Variants in CSF1R observed in about 807,000 individuals in gnomAD.
The protein encoded by CSF1R is macrophage colony-stimulating factor 1 receptor.
Under a neutral mutation model 110.0 loss-of-function variants are expected in CSF1R, and 40 were observed. That is an observed-to-expected ratio of 0.36 (90% CI 0.28 to 0.47). The LOEUF (loss-of-function observed/expected upper bound fraction) is 0.47, where lower values mean the gene tolerates loss of function less well. Ranked by LOEUF, CSF1R falls within the 20% of genes least tolerant of loss-of-function variation. The pLI, the probability that CSF1R is intolerant of heterozygous loss-of-function variation, is 0.99. For missense variants in CSF1R, 1,052 were observed against 1,253.0 expected, an observed-to-expected ratio of 0.84 and a Z score of 2.42; for synonymous variants, 523 against 503.4, an observed-to-expected ratio of 1.04 and a Z score of -0.52.
At position 150,053,982 on chromosome 5, in the gene CSF1R, A is replaced by C; in HGVS notation, c.*87T>G. Reference sequence around the variant, plus strand: ...TGTTGAGTGAAATGACCGAAGGCAGAGTTTGTATGTTCTCCCCGTGTCGCC... The same window carrying C: ...TGTTGAGTGAAATGACCGAAGGCAGCGTTTGTATGTTCTCCCCGTGTCGCC... On this transcript the variant is annotated 3_prime_UTR_variant, in exon 21 of 21. Transcript: ENST00000675795. The C allele has an allele frequency of 7.5e-7, 1 of 1,342,032 alleles. No individual in the cohort carries two copies. The highest frequency in any genetic ancestry group is 1.0e-6 in the Non-Finnish European group (1 of 956,990). The allele number at this position is 1,342,032 out of a possible 1,614,324, so 83.1% of individuals were successfully genotyped here. A position where few individuals can be genotyped will look rare whatever the true frequency, so the allele number is the denominator to read the frequency against.
Position 150,060,991 on chromosome 5 carries a change from G to C in CSF1R, c.1859-19C>G, listed in dbSNP as rs772214750. 9.0e-6 allele frequency: 14 copies of C among 1,553,884 alleles called. No individual in the cohort carries two copies. The highest frequency in any genetic ancestry group is 1.8e-5 in the Admixed American group (1 of 54,446). On this transcript the variant is annotated intron_variant, in intron 12 of 20. Transcript: ENST00000675795. ...GCCGTGGCTGGGAGGAAGAACCACA[G>C]TCCCAAAGACAGGGAGAGGGCAGGA... is the stretch of plus-strand genomic sequence containing the variant.
chr5:150,058,501 T>G (rs1757354169), intron 14 of CSF1R, among the ~76,000 whole-genome samples: 3 of 152,230 alleles, frequency 2.0e-5, no homozygotes, highest in Admixed American at 6.5e-5. Context: ...TGGAATCCTT[T>G]GACAGAGTTG....
intron 1 of CSF1R, among the ~76,000 whole-genome samples, chr5:150,112,055 G>A (rs1759735506): frequency 6.6e-6 from 1 of 152,130 alleles, no homozygotes; most frequent in Non-Finnish European, 1.5e-5. Flanking sequence ...ATCAAATCTT[G>A]TAGCTCTACG....
Position 150,053,988 on chromosome 5 carries a change from T to G in CSF1R, c.*81A>C. The stretch of plus-strand genomic sequence containing the variant: ...GTGAAATGACCGAAGGCAGAGTTTG[T>G]ATGTTCTCCCCGTGTCGCCCCATCC... On this transcript the variant is annotated 3_prime_UTR_variant, in exon 21 of 21. Transcript: ENST00000675795. 6 of 1,396,768 alleles carry G rather than the reference T, an allele frequency of 4.3e-6. No individual in the cohort carries two copies. Among genetic ancestry groups the G allele is most frequent in the Non-Finnish European group, 6.0e-6 (6 of 1,003,474 alleles). The allele number at this position is 1,396,768 out of a possible 1,614,324, so 86.5% of individuals were successfully genotyped here. A position where few individuals can be genotyped will look rare whatever the true frequency, so the allele number is the denominator to read the frequency against.
At chr5:150,094,206 T>C (rs939462825) in intron 1 of CSF1R, 4 of 713,972 alleles carry the variant, frequency 5.6e-6, no homozygotes, top group South Asian at 1.9e-5. Context: ...GGACATTACA[T>C]AGTGAAGACA....
chr5:150,072,575 G>C (rs1758074283), intron 6 of CSF1R, among the ~76,000 whole-genome samples: 1 of 152,138 alleles, frequency 6.6e-6, no homozygotes, highest in Admixed American at 6.6e-5. Context: ...GTTCCTCTTA[G>C]GCACAAAGCT....
intron 10 of CSF1R, among the ~76,000 whole-genome samples, chr5:150,066,415 G>A (rs1416180471): frequency 1.3e-5 from 2 of 152,270 alleles, no homozygotes; most frequent in Non-Finnish European, 2.9e-5. Flanking sequence ...TGAAGTCCAA[G>A]TTTCTGGTGC....
At chr5:150,075,395 A>G (rs192311713) in intron 5 of CSF1R, among the ~76,000 whole-genome samples, 7 of 152,112 alleles carry the variant, frequency 4.6e-5, no homozygotes, top group Non-Finnish European at 1.0e-4. Flanking sequence ...ATCTGAGACC[A>G]CTTTTTTTCT....
upstream of CSF1R, among the ~76,000 whole-genome samples, chr5:150,089,852 T>C (rs73275684): frequency 0.023 from 3,575 of 152,236 alleles, 153 homozygotes; most frequent in African/African-American, 0.082. Context: ...TAGAATAAAA[T>C]TGAGAGTCAG....
chr5:150,070,330 T>C (rs2113809529), intron 7 of CSF1R, 28 bp from the exon 8 acceptor site: 1 of 1,609,966 alleles, frequency 6.2e-7, no homozygotes, highest in Non-Finnish European at 8.5e-7. Flanking sequence ...AGGCCCCAAG[T>C]CACACTTTCC....
At position 150,061,594 on chromosome 5, in the gene CSF1R, A is replaced by G. The variant is rs766787991; in HGVS notation, c.1755T>C (p.Gly585=). The part of the protein sequence containing the change: ...WEFPRNNLQF[G]KTLGAGAFGK... ...CAAAGGCTCCAGCTCCGAGGGTCTT[A>G]CCTGCCACGCACACAGGTCCCTTAA... Residue 585 remains glycine (G), a splice_region_variant and synonymous_variant, in exon 12 of 21, where the codon GGT becomes GGC. Transcript: ENST00000675795. 9 of 1,614,064 alleles carry G rather than the reference A, an allele frequency of 5.6e-6. No homozygotes were observed. Among genetic ancestry groups the G allele is most frequent in the Middle Eastern group, 1.6e-4 (1 of 6,062 alleles).
chr5:150,080,987 C>T lies in CSF1R; in HGVS notation c.87G>A (p.Glu29=), dbSNP rs2113833689. ...CCGTTGCTCCTGGCTTCACGACCAGCTCAGGGACACTGGGCTCTATCACTG... is the reference window on the plus strand; with the variant it reads ...CCGTTGCTCCTGGCTTCACGACCAGTTCAGGGACACTGGGCTCTATCACTG... The part of the protein sequence containing the change: ...GIPVIEPSVP[E]LVVKPGATVT... The change falls in exon 2 of 21, where the codon GAG becomes GAA. Residue 29 remains glutamate (E), a synonymous_variant. Transcript: ENST00000675795. The T allele has an allele frequency of 6.2e-7, 1 of 1,614,028 alleles. No individual in the cohort carries two copies. Among genetic ancestry groups the T allele is most frequent in the African/African-American group, 1.3e-5 (1 of 75,050 alleles).
chr5:150,063,677 CCT>C (rs1379046566), intron 10 of CSF1R, among the ~76,000 whole-genome samples: 6 of 152,034 alleles, frequency 3.9e-5, no homozygotes, highest in African/African-American at 1.4e-4. Context: ...AATGGCTGCC[CCT>C]GTTTCTTGCC....
At chr5:150,064,915 A>G (rs1281036139) in intron 10 of CSF1R, among the ~76,000 whole-genome samples, 1 of 152,206 alleles carries the variant, frequency 6.6e-6, no homozygotes, top group Non-Finnish European at 1.5e-5. Flanking sequence ...GAAAGGGCTC[A>G]TGGGCGTCTA....
Position 150,060,938 on chromosome 5 carries a change from C to T in CSF1R, c.1893G>A (p.Met631Ile), listed in dbSNP as rs759102831. 1.9e-6 allele frequency: 3 copies of T among 1,609,186 alleles called. No individual in the cohort carries two copies. In the South Asian group the frequency reaches 3.3e-5, roughly 18 times the overall value. Residue 631 changes from methionine (M) to isoleucine (I), a missense_variant, in exon 13 of 21, where the codon ATG becomes ATA. Physicochemically the swap from Met to Ile is conservative, Grantham distance 10. This residue lies in a region of CSF1R where 76 missense variants were observed against 133.6 expected (regional missense o/e 0.57). Coordinates refer to ENST00000675795, the MANE Select transcript of CSF1R (RefSeq NM_001288705.3). ...TAHADEKEAL[M>I]SELKIMSHLG... is the part of the protein sequence containing the mutation. The stretch of plus-strand genomic sequence containing the variant: ...GGTGGCTCATGATCTTCAGCTCGGA[C>T]ATGAGGGCCTCCTTCTCATCAGCAT...
chr5:150,106,313 G>A (rs532345539), intron 1 of CSF1R, among the ~76,000 whole-genome samples: 1 of 152,302 alleles, frequency 6.6e-6, no homozygotes, highest in South Asian at 2.1e-4. Context: ...TGTGGGCCAT[G>A]TCACACTTCA....
chr5:150,058,932 A>C (rs545336494), intron 14 of CSF1R, among the ~76,000 whole-genome samples: 60 of 152,182 alleles, frequency 3.9e-4, no homozygotes, highest in African/African-American at 1.4e-3. Flanking sequence ...ACCCTGACTC[A>C]TGTGTGACAT....
rs1451052456 is a variant in CSF1R, at chr5:150,053,843, G to T, written c.*226C>A. The stretch of plus-strand genomic sequence containing the variant: ...CATGAGAACAGTAGGGGAGGGGGGG[G>T]TGAGGGCTCAGCCCCCAGCCCCTGA... On this transcript the variant is annotated 3_prime_UTR_variant, in exon 21 of 21. Coordinates refer to ENST00000675795, the MANE Select transcript of CSF1R (RefSeq NM_001288705.3). 3 of 592,054 alleles carry T rather than the reference G, an allele frequency of 5.1e-6. No individual in the cohort carries two copies. Among genetic ancestry groups the T allele is most frequent in the Non-Finnish European group, 9.0e-6 (3 of 331,878 alleles). The allele number at this position is 592,054 out of a possible 1,614,324, so 36.7% of individuals were successfully genotyped here.
chr5:150,061,632 C>G, intron 11 of CSF1R, 37 bp from the exon 12 acceptor site: 2 of 1,613,996 alleles, frequency 1.2e-6, no homozygotes, highest in Non-Finnish European at 1.7e-6. Flanking sequence ...CCCTGGGCAC[C>G]AAAGGGCCTC....
Sources: allele counts gnomAD v4.1 joint callset (sites outside exome capture counted in the v4.1 genomes callset), GRCh38; gene constraint gnomAD v4.1.1; regional missense constraint gnomAD v4.1.1; transcripts MANE v1.5; gene names NCBI Gene and HGNC (gene_info 2026-07-23, HGNC 2026-07-21).